CLSTN2: variants seen among roughly 807,000 people sequenced by gnomAD.
The protein encoded by CLSTN2 is calsyntenin-2.
Under a neutral mutation model 101.2 loss-of-function variants are expected in CLSTN2, and 48 were observed. The observed-to-expected ratio is 0.47, with a 90% CI of 0.38 to 0.60. The LOEUF (loss-of-function observed/expected upper bound fraction) is 0.60, where lower values mean the gene tolerates loss of function less well. CLSTN2 is among the 20% of genes least tolerant of loss of function. CLSTN2 has a pLI of 0.00. For missense variants in CLSTN2, 1,160 were observed against 1,238.2 expected (o/e 0.94, Z 0.95); for synonymous variants, 481 against 463.6 (o/e 1.04, Z -0.48).
At chr3:140,121,861 A>C (rs2107799549) in intron 1 of CLSTN2, among the ~76,000 whole-genome samples, 1 of 152,242 alleles carries the variant, frequency 6.6e-6, no homozygotes, top group Non-Finnish European at 1.5e-5. Context: ...CATGAGGAGG[A>C]CTACGCTGCC....
intron 1 of CLSTN2, among the ~76,000 whole-genome samples, chr3:140,149,464 AT>A (rs11328442): frequency 0.93 from 140,330 of 151,146 alleles, 65,586 homozygotes; most frequent in East Asian, 1. Flanking sequence ...GATAAATAGC[AT>A]TTTTTTTTTT....
intron 2 of CLSTN2, among the ~76,000 whole-genome samples, chr3:140,388,979 CTT>C (rs1056734791): frequency 3.3e-5 from 5 of 152,260 alleles, no homozygotes; most frequent in African/African-American, 1.2e-4. Context: ...TAGTTTTTCT[CTT>C]TTATCCTGTT....
chr3:140,116,103 A>G (rs1211788627), intron 1 of CLSTN2, among the ~76,000 whole-genome samples: 1 of 152,148 alleles, frequency 6.6e-6, no homozygotes, highest in East Asian at 1.9e-4. Context: ...TTCCTGCAGC[A>G]GCTGAAGTGG....
chr3:140,297,636 T>G (rs1489128340), intron 2 of CLSTN2, among the ~76,000 whole-genome samples: 1 of 152,160 alleles, frequency 6.6e-6, no homozygotes, highest in African/African-American at 2.4e-5. Flanking sequence ...CATTCTTAGC[T>G]CACAGGCCAT....
In CLSTN2 at chr3:140,433,222, A is replaced by G. The variant is rs551782485; in HGVS notation, c.787+11948A>G. On this transcript the variant is annotated intron_variant, in intron 5 of 16. Transcript: ENST00000458420. ...AGTAAGGCAGACTTGAGAGAGGACC[A>G]TGGCTTGTGGATGGTGGAGGTGGGA... Among the ~76,000 whole-genome samples, 33 of 152,348 alleles carry G rather than the reference A, an allele frequency of 2.2e-4. 1 individual carries two copies. The South Asian group carries it at 6.2e-3, about 29-fold the overall frequency.
chr3:140,545,589 G>A lies in CLSTN2; in HGVS notation c.1508-926G>A, dbSNP rs1935569777. Reference sequence around the variant, plus strand: ...CAGGCTGGGAAGGTTGCTCAGAGATGGAAGGAGCCTGTGCTCAGTAAAATC... The same window carrying A: ...CAGGCTGGGAAGGTTGCTCAGAGATAGAAGGAGCCTGTGCTCAGTAAAATC... On this transcript the variant is annotated intron_variant, in intron 9 of 16. Coordinates refer to ENST00000458420, the MANE Select transcript of CLSTN2 (RefSeq NM_022131.3). Among the ~76,000 whole-genome samples the A allele has an allele frequency of 2.6e-5, 4 of 152,354 alleles. 1 individual carries two copies. The South Asian group carries it at 8.3e-4, about 32-fold the overall frequency.
At chr3:140,510,576 G>A (rs982885340) in intron 8 of CLSTN2, among the ~76,000 whole-genome samples, 4 of 152,156 alleles carry the variant, frequency 2.6e-5, no homozygotes, top group Non-Finnish European at 5.9e-5. Context: ...AATTTCAAAC[G>A]AGGGTGGTCT....
chr3:140,081,427 G>C (rs2008597564), intron 1 of CLSTN2, among the ~76,000 whole-genome samples: 1 of 152,150 alleles, frequency 6.6e-6, no homozygotes, highest in Non-Finnish European at 1.5e-5. Flanking sequence ...ACACTTGAAA[G>C]GGATAAAGAT....
At chr3:140,408,682 C>G (rs2088331419) in intron 4 of CLSTN2, among the ~76,000 whole-genome samples, 1 of 152,198 alleles carries the variant, frequency 6.6e-6, no homozygotes, top group Admixed American at 6.5e-5. Flanking sequence ...CTTCCCCTCT[C>G]CCCAAAGCTG....
At chr3:140,141,917 GGGTCTTGTCCTGA>G (rs1392166060) in intron 1 of CLSTN2, among the ~76,000 whole-genome samples, 1 of 152,192 alleles carries the variant, frequency 6.6e-6, no homozygotes, top group Non-Finnish European at 1.5e-5. Context: ...ACCCCAGAAG[GGGTCTTGTCCTGA>G]GTAGTTTCCC....
intron 2 of CLSTN2, among the ~76,000 whole-genome samples, chr3:140,214,805 A>G (rs921945693): frequency 6.6e-6 from 1 of 152,220 alleles, no homozygotes. Context: ...ATTTAATGAA[A>G]GCAATCTTTC....
chr3:140,105,065 C>T (rs1379452387), intron 1 of CLSTN2, among the ~76,000 whole-genome samples: 1 of 152,208 alleles, frequency 6.6e-6, no homozygotes, highest in Non-Finnish European at 1.5e-5. Context: ...GTGTTTTATT[C>T]AAGTCTTGTG....
chr3:140,480,354 C>A (rs1294021104), intron 8 of CLSTN2, among the ~76,000 whole-genome samples: 3 of 152,156 alleles, frequency 2.0e-5, no homozygotes, highest in Admixed American at 6.5e-5. Context: ...ATTGTTGGAC[C>A]TTTGGGTTGG....
intron 1 of CLSTN2, among the ~76,000 whole-genome samples, chr3:140,117,206 C>T (rs1327373427): frequency 6.6e-6 from 1 of 152,162 alleles, no homozygotes; most frequent in African/African-American, 2.4e-5. Context: ...AGAATGACCT[C>T]TACCCTGCCC....
chr3:140,014,393 G>A lies in CLSTN2; in HGVS notation c.109+78910G>A, dbSNP rs114013139. Among the ~76,000 whole-genome samples the A allele has an allele frequency of 4.6e-3, 692 of 151,894 alleles. 6 individuals carry two copies. The highest frequency in any genetic ancestry group is 0.015 in the African/African-American group (637 of 41,406). On this transcript the variant is annotated intron_variant, in intron 1 of 16. Transcript: ENST00000458420. ...GCTACCATGCCTGGCAAATTTTTGTGTTTTTAGTAGAGACGGAGTTTCACT... is the reference window on the plus strand; with the variant it reads ...GCTACCATGCCTGGCAAATTTTTGTATTTTTAGTAGAGACGGAGTTTCACT...
At chr3:140,102,361 C>T (rs1226165400) in intron 1 of CLSTN2, among the ~76,000 whole-genome samples, 2 of 152,166 alleles carry the variant, frequency 1.3e-5, no homozygotes, top group Non-Finnish European at 1.5e-5. Flanking sequence ...GGGCAAGAAG[C>T]CTGTTGTGCT....
chr3:140,448,174 T>C (rs1233911218), intron 5 of CLSTN2, among the ~76,000 whole-genome samples: 1 of 151,792 alleles, frequency 6.6e-6, no homozygotes, highest in Admixed American at 6.6e-5. Flanking sequence ...TAACACATGG[T>C]GAACTAAGTG....
intron 2 of CLSTN2, among the ~76,000 whole-genome samples, chr3:140,362,257 C>T (rs1430488272): frequency 6.6e-6 from 1 of 152,096 alleles, no homozygotes; most frequent in African/African-American, 2.4e-5. Flanking sequence ...AATATATCCA[C>T]ATGCAAAATG....
chr3:139,970,279 G>T (rs1399128968), intron 1 of CLSTN2, among the ~76,000 whole-genome samples: 3 of 152,140 alleles, frequency 2.0e-5, no homozygotes, highest in East Asian at 1.9e-4. Flanking sequence ...TGCCACACAG[G>T]GTTCCTGGCA....
Sources: allele counts gnomAD v4.1 joint callset (sites outside exome capture counted in the v4.1 genomes callset), GRCh38; gene constraint gnomAD v4.1.1; transcripts MANE v1.5; gene names NCBI Gene and HGNC (gene_info 2026-07-23, HGNC 2026-07-21).